MACROD2: variants seen among roughly 807,000 people sequenced by gnomAD.
The protein encoded by MACROD2 is mono-ADP ribosylhydrolase 2.
In MACROD2, 36 loss-of-function variants were observed where a neutral mutation model predicts 70.4. That is an observed-to-expected ratio of 0.51 (90% CI 0.39 to 0.68). The LOEUF is 0.68. MACROD2 is among the 30% of genes least tolerant of loss of function. The pLI is 0.00. For missense variants in MACROD2, 496 were observed against 538.4 expected, an observed-to-expected ratio of 0.92 and a Z score of 0.78; for synonymous variants, 172 against 178.8, an observed-to-expected ratio of 0.96 and a Z score of 0.30.
chr20:14,433,053 G>A (rs199789099), intron 3 of MACROD2, among the ~76,000 whole-genome samples: 1 of 152,050 alleles, frequency 6.6e-6, no homozygotes, highest in East Asian at 1.9e-4. Context: ...CACGTGTTGA[G>A]GTTTTAAGTG....
chr20:15,772,097 AAAAAATAT>A (rs1181525004), intron 8 of MACROD2, among the ~76,000 whole-genome samples: 6 of 93,434 alleles, frequency 6.4e-5, no homozygotes, highest in African/African-American at 3.0e-4. Flanking sequence ...AAAAAAAAAA[AAAAAATAT>A]ATATATATAT....
At position 15,462,441 on chromosome 20, in the gene MACROD2, T is replaced by C. The variant is rs553396920; in HGVS notation, c.571+31006T>C. Among the ~76,000 whole-genome samples, 3 of 152,312 alleles carry C rather than the reference T, an allele frequency of 2.0e-5. No individual in the cohort carries two copies. In the South Asian group the frequency reaches 6.2e-4, roughly 32 times the overall value. ...AAAGTAATTGCAAATAACGTGTAAT[T>C]AAAAGTGATGAGAACCCCTTACATT... On this transcript the variant is annotated intron_variant, in intron 7 of 17. Transcript: ENST00000684519.
At chr20:15,524,184 C>T (rs59248946) in intron 8 of MACROD2, among the ~76,000 whole-genome samples, 3,677 of 152,020 alleles carry the variant, frequency 0.024, 145 homozygotes, top group African/African-American at 0.083. Flanking sequence ...AAAGTGAGGG[C>T]CACCAAGGCA....
At chr20:15,054,946 C>CTTTTT (rs10673344) in intron 5 of MACROD2, among the ~76,000 whole-genome samples, 1,236 of 120,628 alleles carry the variant, frequency 0.01, 51 homozygotes, top group African/African-American at 0.039. Flanking sequence ...CCACATCTAG[C>CTTTTT]TTTTTTTTTT....
intron 5 of MACROD2, among the ~76,000 whole-genome samples, chr20:14,858,629 G>A (rs1209558364): frequency 6.6e-6 from 1 of 152,046 alleles, no homozygotes; most frequent in African/African-American, 2.4e-5. Context: ...AAAGCACTTG[G>A]GTCAGTATAC....
chr20:15,940,569 C>T (rs1243395618), intron 12 of MACROD2, among the ~76,000 whole-genome samples: 2 of 152,106 alleles, frequency 1.3e-5, no homozygotes, highest in African/African-American at 4.8e-5. Context: ...AAGTGGTGGC[C>T]GTCAACATTG....
intron 12 of MACROD2, among the ~76,000 whole-genome samples, chr20:15,938,803 C>G (rs2065706316): frequency 6.6e-6 from 1 of 152,038 alleles, no homozygotes; most frequent in Non-Finnish European, 1.5e-5. Context: ...GCCTCTTGTG[C>G]CTAGTTGTGA....
At chr20:15,538,704 A>G (rs2047911338) in intron 8 of MACROD2, among the ~76,000 whole-genome samples, 2 of 152,230 alleles carry the variant, frequency 1.3e-5, no homozygotes, top group African/African-American at 4.8e-5. Flanking sequence ...GACCTTTACA[A>G]TGTGCATATT....
intron 8 of MACROD2, among the ~76,000 whole-genome samples, chr20:15,804,925 C>T (rs770157114): frequency 6.6e-6 from 1 of 152,158 alleles, no homozygotes; most frequent in Non-Finnish European, 1.5e-5. Flanking sequence ...GCTCCCCTGA[C>T]CAGCAGTGAG....
At chr20:15,497,530 T>G (rs1260868753) in intron 7 of MACROD2, among the ~76,000 whole-genome samples, 2 of 151,998 alleles carry the variant, frequency 1.3e-5, no homozygotes, top group Admixed American at 1.3e-4. Context: ...GACCTCGTGA[T>G]CCTCCCACCT....
intron 5 of MACROD2, among the ~76,000 whole-genome samples, chr20:14,948,056 G>A (rs570775930): frequency 6.6e-6 from 1 of 152,278 alleles, no homozygotes; most frequent in African/African-American, 2.4e-5. Flanking sequence ...CAAGGCATCA[G>A]AGGACTGTCA....
chr20:15,030,342 T>C (rs1014828805), intron 5 of MACROD2, among the ~76,000 whole-genome samples: 1 of 152,284 alleles, frequency 6.6e-6, no homozygotes, highest in Middle Eastern at 3.4e-3. Context: ...TGCATGCCTA[T>C]AGTCCCAGGT....
chr20:14,288,287 A>G (rs1374727313), intron 3 of MACROD2, among the ~76,000 whole-genome samples: 1 of 152,146 alleles, frequency 6.6e-6, no homozygotes, highest in African/African-American at 2.4e-5. Flanking sequence ...GTAGCTAGGT[A>G]TGGCCATTGT....
At chr20:14,499,266 C>T (rs1468749378) in intron 4 of MACROD2, among the ~76,000 whole-genome samples, 1 of 152,148 alleles carries the variant, frequency 6.6e-6, no homozygotes, top group Non-Finnish European at 1.5e-5. Context: ...CACGGTGGCT[C>T]ATGCCTGTAA....
intron 8 of MACROD2, among the ~76,000 whole-genome samples, chr20:15,610,983 C>T (rs1481376249): frequency 1.7e-5 from 2 of 119,740 alleles, no homozygotes; most frequent in Non-Finnish European, 3.4e-5. Context: ...TGTCTTTTAG[C>T]CAAAAATCTT....
At chr20:14,091,949 G>C (rs2054155957) in intron 3 of MACROD2, among the ~76,000 whole-genome samples, 1 of 152,076 alleles carries the variant, frequency 6.6e-6, no homozygotes, top group Non-Finnish European at 1.5e-5. Context: ...CTCTGGGATA[G>C]ACATCCAAGA....
At chr20:15,499,205 A>G (rs1380799308) in intron 7 of MACROD2, among the ~76,000 whole-genome samples, 2 of 152,212 alleles carry the variant, frequency 1.3e-5, no homozygotes, top group Non-Finnish European at 2.9e-5. Context: ...AACCAAACCT[A>G]TGCAACAAGA....
intron 8 of MACROD2, among the ~76,000 whole-genome samples, chr20:15,681,896 A>G (rs1912138885): frequency 6.6e-6 from 1 of 152,154 alleles, no homozygotes; most frequent in Admixed American, 6.6e-5. Flanking sequence ...AGAAGCTTAG[A>G]CATTATTTTG....
intron 8 of MACROD2, among the ~76,000 whole-genome samples, chr20:15,841,435 T>TA (rs2064169277): frequency 6.6e-6 from 1 of 152,254 alleles, no homozygotes; most frequent in East Asian, 1.9e-4. Flanking sequence ...TGCTGGAATC[T>TA]GCCTGGGTTC....
Sources: allele counts gnomAD v4.1 joint callset (sites outside exome capture counted in the v4.1 genomes callset), GRCh38; gene constraint gnomAD v4.1.1; transcripts MANE v1.5; gene names NCBI Gene and HGNC (gene_info 2026-07-23, HGNC 2026-07-21).